Variants in MERTK observed in about 807,000 individuals in gnomAD.
MERTK encodes the protein tyrosine-protein kinase Mer.
Under a neutral mutation model 99.3 loss-of-function variants are expected in MERTK, and 69 were observed. The observed-to-expected ratio is 0.70, with a 90% confidence interval of 0.57 to 0.85. MERTK has a LOEUF of 0.85. Among genes scored for constraint, MERTK ranks in the 40% least tolerant of loss-of-function variants. The pLI is 0.00. For missense variants in MERTK, 1,125 were observed against 1,249.4 expected (o/e 0.90, Z 1.50); for synonymous variants, 426 against 467.6 (o/e 0.91, Z 1.15).
intron 8 of MERTK, among the ~76,000 whole-genome samples, chr2:111,992,693 G>A (rs1573625830): frequency 6.7e-6 from 1 of 149,600 alleles, no homozygotes; most frequent in Non-Finnish European, 1.5e-5. Context: ...GGAGGTTGCA[G>A]TGAGCTGAGA....
At chr2:111,961,286 G>A (rs1353039538) in intron 4 of MERTK, among the ~76,000 whole-genome samples, 2 of 145,716 alleles carry the variant, frequency 1.4e-5, no homozygotes, top group Admixed American at 7.1e-5. Context: ...TCAGCTTCCC[G>A]AGTAGCTGGG....
At chr2:111,964,922 A>G (rs925942936) in intron 4 of MERTK, among the ~76,000 whole-genome samples, 1 of 152,150 alleles carries the variant, frequency 6.6e-6, no homozygotes, top group Non-Finnish European at 1.5e-5. Flanking sequence ...AATCTAAATG[A>G]TCCTGCTTTA....
chr2:111,999,929 C>T (rs1676834855), intron 10 of MERTK, among the ~76,000 whole-genome samples: 1 of 152,134 alleles, frequency 6.6e-6, no homozygotes, highest in African/African-American at 2.4e-5. Flanking sequence ...TTGCAAAGTA[C>T]ATTCTCAAGG....
At chr2:111,989,802 T>C (rs1676573110) in intron 8 of MERTK, among the ~76,000 whole-genome samples, 1 of 152,248 alleles carries the variant, frequency 6.6e-6, no homozygotes, top group Non-Finnish European at 1.5e-5. Flanking sequence ...ATTACTTTTC[T>C]GACTGTCAAG....
At position 111,997,324 on chromosome 2, in the gene MERTK, T is replaced by C; in HGVS notation, c.1452T>C (p.Gly484=). 2 of 1,614,092 alleles carry C rather than the reference T, an allele frequency of 1.2e-6. No homozygotes were observed. Among genetic ancestry groups the C allele is most frequent in the Non-Finnish European group, 1.7e-6 (2 of 1,179,918 alleles). ...DPVKIFIPAH[G]WVDYAPSSTP... The stretch of plus-strand genomic sequence containing the variant: ...ACTGGTCTATTGGTATCTCACCAGG[T>C]TGGGTAGATTATGCCCCCTCTTCAA... Residue 484 remains glycine (G), a splice_region_variant and synonymous_variant, in exon 10 of 19, where the codon GGT becomes GGC. Transcript: ENST00000295408.
intron 15 of MERTK, among the ~76,000 whole-genome samples, chr2:112,012,611 G>T (rs777156583): frequency 7.9e-5 from 12 of 152,136 alleles, no homozygotes; most frequent in Non-Finnish European, 1.8e-4. Context: ...CAGCTTGCTT[G>T]CCTCAGCAGT....
intron 4 of MERTK, among the ~76,000 whole-genome samples, chr2:111,960,346 T>C (rs1238365424): frequency 1.3e-5 from 2 of 151,776 alleles, no homozygotes; most frequent in Non-Finnish European, 1.5e-5. Context: ...CCGGGCGTGG[T>C]GGTGCATGCC....
chr2:111,977,528 T>C (rs547373096), intron 7 of MERTK, among the ~76,000 whole-genome samples: 4 of 152,306 alleles, frequency 2.6e-5, no homozygotes, highest in South Asian at 2.1e-4. Context: ...CAGGCTTTGG[T>C]GTAATTTTAT....
At chr2:111,983,754 G>A (rs555358812) in intron 8 of MERTK, among the ~76,000 whole-genome samples, 1 of 152,318 alleles carries the variant, frequency 6.6e-6, no homozygotes, top group South Asian at 2.1e-4. Flanking sequence ...TTGCACGGTC[G>A]TCATGCTGTG....
intron 10 of MERTK, among the ~76,000 whole-genome samples, 158 bp downstream of exon 10, chr2:111,997,634 C>G (rs1244715127): frequency 6.6e-6 from 1 of 152,224 alleles, no homozygotes. Context: ...TGACTTACGC[C>G]ATGGTCTACA....
Position 112,029,085 on chromosome 2 carries a change from A to G in MERTK, c.*221A>G. 4.8e-6 allele frequency: 6 copies of G among 1,252,946 alleles called. No individual in the cohort carries two copies. The highest frequency in any genetic ancestry group is 6.1e-6 in the Non-Finnish European group (6 of 991,364). The allele number at this position is 1,252,946 out of a possible 1,614,324, so 77.6% of individuals were successfully genotyped here. On this transcript the variant is annotated 3_prime_UTR_variant, in exon 19 of 19. Transcript: ENST00000295408. ...GTATATCATGGAAAAAGACAAGGAT[A>G]TTTTAATAAAACATTACTTATTTCA...
chr2:111,920,551 A>T (rs1684436070), intron 1 of MERTK, among the ~76,000 whole-genome samples: 1 of 135,382 alleles, frequency 7.4e-6, no homozygotes, highest in African/African-American at 2.7e-5. Context: ...GTGAGTTCTG[A>T]TTGAAGGTTG....
intron 6 of MERTK, among the ~76,000 whole-genome samples, chr2:111,973,374 G>A (rs1412145933): frequency 1.3e-5 from 2 of 151,974 alleles, no homozygotes; most frequent in African/African-American, 4.8e-5. Flanking sequence ...ACAAGCGTCT[G>A]GGTTCTCGTT....
At chr2:111,999,263 A>G (rs1676819308) in intron 10 of MERTK, among the ~76,000 whole-genome samples, 2 of 152,206 alleles carry the variant, frequency 1.3e-5, no homozygotes, top group Admixed American at 6.5e-5. Flanking sequence ...CAGTGACTAA[A>G]TGGATTATTA....
At chr2:111,990,923 G>T (rs541859373) in intron 8 of MERTK, among the ~76,000 whole-genome samples, 1 of 152,054 alleles carries the variant, frequency 6.6e-6, no homozygotes, top group Non-Finnish European at 1.5e-5. Context: ...TTTCCCAATC[G>T]TGTAATTCCT....
intron 4 of MERTK, among the ~76,000 whole-genome samples, chr2:111,949,556 A>T (rs542928912): frequency 6.6e-6 from 1 of 152,300 alleles, no homozygotes; most frequent in East Asian, 1.9e-4. Context: ...CCTTTATAGG[A>T]TGATCACTCT....
intron 15 of MERTK, among the ~76,000 whole-genome samples, chr2:112,015,562 A>T (rs1454316599): frequency 6.6e-6 from 1 of 152,040 alleles, no homozygotes; most frequent in Non-Finnish European, 1.5e-5. Context: ...AGAGTTCTTT[A>T]TATGTTCTAA....
At position 112,028,449 on chromosome 2, in the gene MERTK, C is replaced by A; in HGVS notation, c.2585C>A (p.Pro862His). 6.2e-7 allele frequency: 1 copy of A among 1,614,178 alleles called. No homozygotes were observed. Reference protein sequence around the residue: ...LQLEKLLESLPDVRNQADVIY... With the variant: ...LQLEKLLESLHDVRNQADVIY... ...CTAGAAAAACTCTTAGAAAGTTTGC[C>A]TGACGTTCGGAACCAAGCAGACGTT... Residue 862 changes from proline (P) to histidine (H), a missense_variant, in exon 19 of 19, where the codon CCT (proline) becomes CAT (histidine). Coordinates refer to ENST00000295408, the MANE Select transcript of MERTK (RefSeq NM_006343.3).
intron 2 of MERTK, chr2:111,941,053 T>G: frequency 2.1e-6 from 1 of 485,710 alleles, no homozygotes; most frequent in Non-Finnish European, 3.9e-6. Flanking sequence ...CGCTTCTCAC[T>G]CTCTTTGGCT....
Sources: allele counts gnomAD v4.1 joint callset (sites outside exome capture counted in the v4.1 genomes callset), GRCh38; gene constraint gnomAD v4.1.1; transcripts MANE v1.5; gene names NCBI Gene and HGNC (gene_info 2026-07-23, HGNC 2026-07-21).